Variants in PTPRT observed in about 807,000 individuals in gnomAD.
PTPRT encodes receptor-type tyrosine-protein phosphatase T.
PTPRT carries 56 observed loss-of-function variants against 176.8 expected under a neutral mutation model. The observed-to-expected ratio is 0.32, with a 90% CI of 0.26 to 0.40. The LOEUF (loss-of-function observed/expected upper bound fraction) is 0.40, where lower values mean the gene tolerates loss of function less well. PTPRT is among the 10% of genes least tolerant of loss of function. PTPRT has a pLI of 1.00. For synonymous variants in PTPRT, 783 were observed against 739.0 expected (o/e 1.06, Z -0.96); for missense variants, 1,540 against 1,908.2 (o/e 0.81, Z 3.60).
At chr20:42,725,096 C>T (rs901047417) in intron 6 of PTPRT, among the ~76,000 whole-genome samples, 3 of 151,258 alleles carry the variant, frequency 2.0e-5, no homozygotes, top group African/African-American at 7.3e-5. Context: ...GGAATGATCT[C>T]GGCTCACTGT....
intron 1 of PTPRT, among the ~76,000 whole-genome samples, chr20:43,082,186 G>A (rs183419113): frequency 2.0e-5 from 3 of 152,136 alleles, no homozygotes; most frequent in Admixed American, 6.5e-5. Flanking sequence ...TTTCTGTAAC[G>A]TAATCTAAGA....
chr20:42,341,310 C>T (rs1346098225), intron 11 of PTPRT, among the ~76,000 whole-genome samples: 6 of 152,138 alleles, frequency 3.9e-5, no homozygotes, highest in African/African-American at 1.4e-4. Flanking sequence ...TTTTCCAGCA[C>T]TTTTGTTGAC....
chr20:42,710,229 C>T (rs1047431259), intron 6 of PTPRT, among the ~76,000 whole-genome samples: 2 of 152,188 alleles, frequency 1.3e-5, no homozygotes, highest in Admixed American at 6.5e-5. Flanking sequence ...GAGAGATTAG[C>T]ATGACTAAAA....
At chr20:42,496,991 G>A (rs1289708024) in intron 7 of PTPRT, among the ~76,000 whole-genome samples, 2 of 152,112 alleles carry the variant, frequency 1.3e-5, no homozygotes, top group Non-Finnish European at 2.9e-5. Context: ...GTTCTAGGGG[G>A]CCAGAGGTAT....
chr20:42,350,205 A>ATC (rs1568799101), intron 11 of PTPRT, among the ~76,000 whole-genome samples: 3 of 112,976 alleles, frequency 2.7e-5, no homozygotes, highest in Non-Finnish European at 5.4e-5. Context: ...CCTGATTAGG[A>ATC]TGTTTCTTGT....
chr20:42,227,269 G>A (rs961832415), intron 15 of PTPRT, among the ~76,000 whole-genome samples: 4 of 152,172 alleles, frequency 2.6e-5, no homozygotes, highest in Admixed American at 2.0e-4. Context: ...GAATGGTGAT[G>A]CAGTTGGAGC....
At chr20:42,267,199 C>T (rs1378629431) in intron 13 of PTPRT, among the ~76,000 whole-genome samples, 1 of 152,180 alleles carries the variant, frequency 6.6e-6, no homozygotes, top group East Asian at 1.9e-4. Flanking sequence ...ATGAGATACT[C>T]AACACTTTAA....
At chr20:43,094,092 T>TTTCTTTC (rs35835172) in intron 1 of PTPRT, among the ~76,000 whole-genome samples, 1 of 61,952 alleles carries the variant, frequency 1.6e-5, no homozygotes, top group Non-Finnish European at 3.7e-5. Flanking sequence ...TCTTTCTTTC[T>TTTCTTTC]TTTTTTTTTT....
At chr20:42,725,650 T>C (rs1569113828) in intron 6 of PTPRT, among the ~76,000 whole-genome samples, 3 of 152,028 alleles carry the variant, frequency 2.0e-5, no homozygotes, top group Admixed American at 2.0e-4. Flanking sequence ...CTTGGTGATT[T>C]AAAAAGTCAA....
At chr20:43,016,374 C>T (rs958117451) in intron 1 of PTPRT, among the ~76,000 whole-genome samples, 3 of 152,020 alleles carry the variant, frequency 2.0e-5, no homozygotes, top group Non-Finnish European at 4.4e-5. Flanking sequence ...GGCCCTCTCC[C>T]TCTGTTACTT....
chr20:42,830,563 T>A (rs1284849535), intron 2 of PTPRT, among the ~76,000 whole-genome samples: 1 of 152,074 alleles, frequency 6.6e-6, no homozygotes, highest in Non-Finnish European at 1.5e-5. Flanking sequence ...CTCTCACCAC[T>A]CCTATTCAAC....
intron 2 of PTPRT, among the ~76,000 whole-genome samples, chr20:42,839,501 C>T (rs1467027663): frequency 6.6e-6 from 1 of 152,078 alleles, no homozygotes; most frequent in Admixed American, 6.5e-5. Flanking sequence ...ATTAAGAAAG[C>T]CAGGGTTTTA....
chr20:43,173,828 G>T (rs2015062743), intron 1 of PTPRT, among the ~76,000 whole-genome samples: 1 of 152,170 alleles, frequency 6.6e-6, no homozygotes, highest in Non-Finnish European at 1.5e-5. Context: ...GCTTCCTTCT[G>T]GGAAAGACAG....
chr20:42,574,881 G>T lies in PTPRT; in HGVS notation c.1154-102319C>A, dbSNP rs1446237406. 2.6e-5 allele frequency among the ~76,000 whole-genome samples: 4 copies of T among 152,030 alleles called. No homozygotes were observed. In the East Asian group the frequency reaches 7.7e-4, roughly 29 times the overall value. ...GTTTATAAGTGTTTGGCAGCTCCTC[G>T]TTTGTTCTCTCTCTCTCCTGCCATC... is the stretch of plus-strand genomic sequence containing the variant. On this transcript the variant is annotated intron_variant, in intron 7 of 30. Coordinates refer to ENST00000373187, the MANE Select transcript of PTPRT (RefSeq NM_007050.6).
chr20:42,853,313 C>T (rs540014603), intron 2 of PTPRT, among the ~76,000 whole-genome samples: 176 of 152,280 alleles, frequency 1.2e-3, no homozygotes, highest in South Asian at 2.1e-3. Context: ...GAAATTGGCT[C>T]ATGCAATTAT....
At chr20:42,348,914 G>A (rs937918441) in intron 11 of PTPRT, among the ~76,000 whole-genome samples, 5 of 152,182 alleles carry the variant, frequency 3.3e-5, no homozygotes, top group South Asian at 4.2e-4. Flanking sequence ...TGAGTCTTAC[G>A]ATATATAAGC....
chr20:42,423,178 TAAAA>T (rs34775268), intron 9 of PTPRT, among the ~76,000 whole-genome samples: 3 of 88,110 alleles, frequency 3.4e-5, no homozygotes, highest in East Asian at 4.0e-4. Context: ...ACCTTAAAAG[TAAAA>T]AAAAAAAAAA....
Position 42,438,111 on chromosome 20 carries a change from A to G in PTPRT, c.1560+10109T>C, listed in dbSNP as rs147809196. Among the ~76,000 whole-genome samples the G allele has an allele frequency of 2.3e-3, 346 of 152,250 alleles. 2 individuals carry two copies. The highest frequency in any genetic ancestry group is 6.8e-3 in the Middle Eastern group (2 of 294). Reference sequence around the variant, plus strand: ...CATGTGCACAGAAGGACACCCTACAAAGGCCTCTGGGTGCACACGCAGTGC... The same window carrying G: ...CATGTGCACAGAAGGACACCCTACAGAGGCCTCTGGGTGCACACGCAGTGC... On this transcript the variant is annotated intron_variant, in intron 9 of 30. Transcript: ENST00000373187.
At chr20:42,659,216 A>G (rs183045791) in intron 7 of PTPRT, among the ~76,000 whole-genome samples, 34 of 152,332 alleles carry the variant, frequency 2.2e-4, no homozygotes, top group Admixed American at 1.7e-3. Context: ...CAAAAAAAAC[A>G]TCTGGGTCAG....
Sources: gnomAD v4.1 joint callset for allele counts (sites outside exome capture counted in the v4.1 genomes callset) on GRCh38, gnomAD v4.1.1 for gene constraint, MANE v1.5 for transcripts, NCBI Gene and HGNC (gene_info 2026-07-23, HGNC 2026-07-21) for gene names.